Variants in DHX35 observed in about 807,000 individuals in gnomAD.
The protein encoded by DHX35 is DEAH-box helicase 35.
In DHX35, 84 loss-of-function variants were observed where a neutral mutation model predicts 99.6. The observed-to-expected ratio is 0.84, with a 90% CI of 0.71 to 1.01. DHX35 has a LOEUF of 1.01. Among genes scored for constraint, DHX35 ranks in the 50% least tolerant of loss-of-function variants. DHX35 has a pLI of 0.00. For missense variants in DHX35, 852 were observed against 888.5 expected, an observed-to-expected ratio of 0.96 and a Z score of 0.52; for synonymous variants, 331 against 316.2, an observed-to-expected ratio of 1.05 and a Z score of -0.50.
At chr20:39,033,302 C>CT (rs2087089950) in intron 20 of DHX35, among the ~76,000 whole-genome samples, 1 of 151,750 alleles carries the variant, frequency 6.6e-6, no homozygotes, top group African/African-American at 2.4e-5. Context: ...TTTTTGCTGA[C>CT]TTTTGGGTGG....
chr20:39,003,776 C>G lies in DHX35; in HGVS notation c.880C>G (p.Leu294Val), dbSNP rs2086563847. The change falls in exon 11 of 22, where the codon CTC becomes GTC. Residue 294 changes from leucine to valine, a missense_variant. Coordinates refer to ENST00000252011, the MANE Select transcript of DHX35 (RefSeq NM_021931.4). ...AGAGGTAGAAACTGTTGTGTCGATGCTCATCGAGCAGGCTCGAGCACTAGC... is the reference window on the plus strand; with the variant it reads ...AGAGGTAGAAACTGTTGTGTCGATGGTCATCGAGCAGGCTCGAGCACTAGC... ...QEEVETVVSM[L>V]IEQARALART... The G allele has an allele frequency of 6.2e-7, 1 of 1,613,990 alleles. No individual in the cohort carries two copies. Among genetic ancestry groups the G allele is most frequent in the South Asian group, 1.1e-5 (1 of 91,080 alleles).
intron 8 of DHX35, among the ~76,000 whole-genome samples, chr20:39,000,177 G>T (rs2145891171): frequency 6.6e-6 from 1 of 152,278 alleles, no homozygotes; most frequent in Non-Finnish European, 1.5e-5. Flanking sequence ...AGCCTTTACA[G>T]TGCAGGCAAG....
At chr20:39,000,941 C>G (rs1018847598) in intron 8 of DHX35, among the ~76,000 whole-genome samples, 1 of 152,182 alleles carries the variant, frequency 6.6e-6, no homozygotes, top group Non-Finnish European at 1.5e-5. Flanking sequence ...GTCTCAGCTT[C>G]TCTTTGTACC....
rs1390169726 is a variant in DHX35 at position 39,011,242 on chromosome 20, A to G, written c.1347+838A>G. Reference sequence around the variant, plus strand: ...ATAATATTTCTTACAAATATTTTCTATTTATATTTTACTGTTTTTTTTTTA... The same window carrying G: ...ATAATATTTCTTACAAATATTTTCTGTTTATATTTTACTGTTTTTTTTTTA... On this transcript the variant is annotated intron_variant, in intron 13 of 21. Coordinates refer to ENST00000252011, the MANE Select transcript of DHX35 (RefSeq NM_021931.4). Among the ~76,000 whole-genome samples the G allele has an allele frequency of 2.7e-5, 4 of 150,866 alleles. No homozygotes were observed. The East Asian group carries it at 7.8e-4, about 29-fold the overall frequency.
At chr20:38,996,682 T>C (rs1301628350) in intron 8 of DHX35, among the ~76,000 whole-genome samples, 2 of 152,154 alleles carry the variant, frequency 1.3e-5, no homozygotes, top group Non-Finnish European at 2.9e-5. Context: ...ACAGAACAAC[T>C]TGGAGAGAGA....
chr20:39,003,801 C>G lies in DHX35; in HGVS notation c.905C>G (p.Ala302Gly). Residue 302 changes from alanine to glycine, a missense_variant, in exon 11 of 22, where the codon GCT (alanine) becomes GGT (glycine). By Grantham distance (60) the Ala-to-Gly change is moderately conservative (BLOSUM62 0). Coordinates refer to ENST00000252011, the MANE Select transcript of DHX35 (RefSeq NM_021931.4). ...CTCATCGAGCAGGCTCGAGCACTAG[C>G]TCGCACTGGGATGAAGAGACACCTC... ...SMLIEQARAL[A>G]RTGMKRHLRV... is the part of the protein sequence containing the mutation. 6.2e-7 allele frequency: 1 copy of G among 1,614,190 alleles called. No individual in the cohort carries two copies. The highest frequency in any genetic ancestry group is 8.5e-7 in the Non-Finnish European group (1 of 1,180,042).
intron 15 of DHX35, among the ~76,000 whole-genome samples, 157 bp downstream of exon 15, chr20:39,019,056 G>A (rs745655390): frequency 3.9e-5 from 6 of 152,192 alleles, no homozygotes; most frequent in Non-Finnish European, 8.8e-5. Context: ...TTTTATGTGT[G>A]TAGTTCTGTG....
Position 39,028,454 on chromosome 20 carries a change from G to A in DHX35, c.1838G>A (p.Gly613Asp). ...PDLVLRCIVS[G>D]FFANAARFHS... ...CTGGTTCTGAGGTGCATTGTCTCCG[G>A]CTTCTTCGCCAATGCAGCGAGGTTT... is the stretch of plus-strand genomic sequence containing the variant. Residue 613 changes from glycine to aspartate, a missense_variant, in exon 19 of 22, where the codon GGC becomes GAC. Transcript: ENST00000252011. 2 of 1,614,206 alleles carry A rather than the reference G, an allele frequency of 1.2e-6. No homozygotes were observed. Among genetic ancestry groups the A allele is most frequent in the Non-Finnish European group, 1.7e-6 (2 of 1,180,040 alleles).
chr20:39,020,373 C>T (rs1057121434), intron 15 of DHX35, among the ~76,000 whole-genome samples: 14 of 152,184 alleles, frequency 9.2e-5, no homozygotes, highest in African/African-American at 3.1e-4. Flanking sequence ...CAGCAGTACA[C>T]GAGGGTTCCA....
At position 38,989,324 on chromosome 20, in the gene DHX35, C is replaced by T. The variant is rs978309559; in HGVS notation, c.450+407C>T. On this transcript the variant is annotated intron_variant, in intron 5 of 21. Transcript: ENST00000252011. ...AGAGACGGGGTTTCACTGTGTTAGCCAGGATGGTCTCAATCTCCTGACTCG... is the reference window on the plus strand; with the variant it reads ...AGAGACGGGGTTTCACTGTGTTAGCTAGGATGGTCTCAATCTCCTGACTCG... Among the ~76,000 whole-genome samples, 4 of 146,402 alleles carry T rather than the reference C, an allele frequency of 2.7e-5. No individual in the cohort carries two copies. The South Asian group carries it at 8.7e-4, about 32-fold the overall frequency.
intron 5 of DHX35, 24 bp from the exon 6 acceptor site, chr20:38,991,430 A>G: frequency 6.2e-7 from 1 of 1,606,060 alleles, no homozygotes; most frequent in Non-Finnish European, 8.5e-7. Flanking sequence ...ATTATTTCTA[A>G]AGCTTTGTGT....
At chr20:38,971,985 G>GTTTTTTTTTTTTTTTTT (rs1190714244) in intron 2 of DHX35, among the ~76,000 whole-genome samples, 1 of 95,810 alleles carries the variant, frequency 1.0e-5, no homozygotes, top group African/African-American at 3.7e-5. Flanking sequence ...ATAATTTCTT[G>GTTTTTTTTTTTTTTTTT]TTTTTTTTGT....
chr20:38,983,240 A>G (rs2086200880), intron 3 of DHX35, among the ~76,000 whole-genome samples: 1 of 152,232 alleles, frequency 6.6e-6, no homozygotes, highest in Admixed American at 6.5e-5. Flanking sequence ...ATATATGTGT[A>G]CTAATCTAAT....
At chr20:38,966,599 G>A (rs2085915120) in intron 1 of DHX35, among the ~76,000 whole-genome samples, 1 of 152,204 alleles carries the variant, frequency 6.6e-6, no homozygotes, top group Non-Finnish European at 1.5e-5. Context: ...AACCTGGAAG[G>A]CGGAGGTTGC....
At chr20:38,966,763 A>G (rs540159067) in intron 1 of DHX35, among the ~76,000 whole-genome samples, 6 of 152,354 alleles carry the variant, frequency 3.9e-5, no homozygotes, top group African/African-American at 1.4e-4. Context: ...AATATTCCAG[A>G]GAGGATATGA....
At chr20:39,026,004 C>T (rs528146143) in intron 18 of DHX35, among the ~76,000 whole-genome samples, 1 of 152,090 alleles carries the variant, frequency 6.6e-6, no homozygotes, top group African/African-American at 2.4e-5. Flanking sequence ...TTCAGGACCA[C>T]GCAACTGGTA....
In DHX35 at chr20:38,962,379, C is replaced by A. The variant is rs368443589; in HGVS notation, c.12C>A (p.Pro4=). 389 of 1,612,702 alleles carry A rather than the reference C, an allele frequency of 2.4e-4. No individual in the cohort carries two copies. Among genetic ancestry groups the A allele is most frequent in the Admixed American group, 8.3e-5 (5 of 59,924 alleles). The part of the protein sequence containing the change: MAA[P]VGPVKFWRPG... ...CCTTTTACCCCAACATGGCTGCGCCCGTGGGACCGGTGAAGTTCTGGCGAC... is the reference window on the plus strand; with the variant it reads ...CCTTTTACCCCAACATGGCTGCGCCAGTGGGACCGGTGAAGTTCTGGCGAC... Residue 4 remains proline, a synonymous_variant, in exon 1 of 22, where the codon CCC becomes CCA. Coordinates refer to ENST00000252011, the MANE Select transcript of DHX35 (RefSeq NM_021931.4).
chr20:38,990,204 C>T (rs781551920), intron 5 of DHX35, among the ~76,000 whole-genome samples: 2 of 152,148 alleles, frequency 1.3e-5, no homozygotes, highest in African/African-American at 2.4e-5. Context: ...GCTCAGTTCT[C>T]GACTGGTGAT....
intron 1 of DHX35, among the ~76,000 whole-genome samples, chr20:38,967,135 G>C (rs552871700): frequency 0.41 from 252 of 612 alleles, 1 homozygote; most frequent in South Asian, 0.49. Flanking sequence ...GGGGGTCTAC[G>C]GACCCCCCCG....
Sources: allele counts gnomAD v4.1 joint callset (sites outside exome capture counted in the v4.1 genomes callset), GRCh38; gene constraint gnomAD v4.1.1; transcripts MANE v1.5; gene names NCBI Gene and HGNC (gene_info 2026-07-23, HGNC 2026-07-21).